The following PSD4 variants were observed in gnomAD, a reference collection of about 807,000 sequenced individuals.
The protein encoded by PSD4 is pleckstrin and Sec7 domain containing 4.
A neutral mutation model predicts 112.5 loss-of-function variants in PSD4; 59 were observed. The ratio of observed to expected loss-of-function variants is 0.52; its 90% CI spans 0.43 to 0.65. The LOEUF (loss-of-function observed/expected upper bound fraction) is 0.65, where lower values mean the gene tolerates loss of function less well. Ranked by LOEUF, PSD4 falls within the 30% of genes least tolerant of loss-of-function variation. PSD4 has a pLI of 0.00. For missense variants in PSD4, 1,267 were observed against 1,352.6 expected (o/e 0.94, Z 0.99); for synonymous variants, 533 against 540.0 (o/e 0.99, Z 0.18).
intron 2 of PSD4, 31 bp from the exon 3 acceptor site, chr2:113,184,923 CCTT>C (rs771163139): frequency 1.1e-5 from 17 of 1,612,540 alleles, no homozygotes; most frequent in Admixed American, 6.7e-5. Context: ...CCTCTCCTCT[CCTT>C]CTCTCCTCTG....
chr2:113,198,894 C>T lies in PSD4; in HGVS notation c.2769+10C>T. The T allele has an allele frequency of 1.3e-6, 2 of 1,573,866 alleles. No homozygotes were observed. Among genetic ancestry groups the T allele is most frequent in the East Asian group, 2.3e-5 (1 of 43,038 alleles). ...CGCCCAGAGCTCCCTGGTACGGCCT[C>T]CGGGAAGGGGTGGGGTCCGGCGGAA... On this transcript the variant is annotated intron_variant, in intron 15 of 16. Transcript: ENST00000245796.
chr2:113,179,647 C>G (rs568017717), intron 1 of PSD4, among the ~76,000 whole-genome samples: 1 of 152,286 alleles, frequency 6.6e-6, no homozygotes, highest in South Asian at 2.1e-4. Flanking sequence ...CCTAGCTTCC[C>G]GGGAATGCAG....
chr2:113,184,955 A>T lies in PSD4; in HGVS notation c.1057-2A>T. On this transcript the variant is annotated splice_acceptor_variant, in intron 2 of 16. Transcript: ENST00000245796. LOFTEE classifies it high-confidence loss of function. ...TCCTCTGTCTCTCTCTCGACTTCTC[A>T]GGGAGATAGGCTTGGTCCTGCTCCA... The T allele has an allele frequency of 6.2e-7, 1 of 1,613,962 alleles. No individual in the cohort carries two copies. The highest frequency in any genetic ancestry group is 8.5e-7 in the Non-Finnish European group (1 of 1,179,940).
intron 5 of PSD4, among the ~76,000 whole-genome samples, chr2:113,192,170 G>A (rs1688460363): frequency 6.6e-6 from 1 of 151,936 alleles, no homozygotes; most frequent in South Asian, 2.1e-4. Context: ...CCCCAGACCT[G>A]GAGACCTTGC....
At chr2:113,184,892 G>T in intron 2 of PSD4, 65 bp from the exon 3 acceptor site, 8 of 1,600,710 alleles carry the variant, frequency 5.0e-6, no homozygotes, top group Non-Finnish European at 6.8e-6. Flanking sequence ...AAAGGCCCTG[G>T]GAGCAATTTT....
intron 5 of PSD4, 118 bp downstream of exon 5, chr2:113,186,373 G>A: frequency 3.4e-6 from 4 of 1,163,648 alleles, no homozygotes; most frequent in Non-Finnish European, 4.8e-6. Context: ...TATTTATTAA[G>A]CAAGGATTAT....
At chr2:113,188,637 C>G (rs995521928) in intron 5 of PSD4, among the ~76,000 whole-genome samples, 19 of 151,646 alleles carry the variant, frequency 1.3e-4, no homozygotes, top group Non-Finnish European at 2.2e-4. Context: ...CTGGAATGCA[C>G]TGGCGTGATC....
chr2:113,180,025 T>C (rs1159569012), intron 1 of PSD4, among the ~76,000 whole-genome samples: 2 of 152,192 alleles, frequency 1.3e-5, no homozygotes, highest in Non-Finnish European at 2.9e-5. Context: ...AGAAAAAGGA[T>C]ACTTTCAAGG....
rs928790064 is a variant in PSD4 at position 113,182,589 on chromosome 2, C to G, written c.133C>G (p.Pro45Ala). ...GTGCAGCCATGAGGATCCACCGGAGCCTTTCGAGGAGCAAACCTGGGCCAC... is the reference window on the plus strand; with the variant it reads ...GTGCAGCCATGAGGATCCACCGGAGGCTTTCGAGGAGCAAACCTGGGCCAC... Reference protein sequence around the residue: ...ETCSHEDPPEPFEEQTWATDP... With the variant: ...ETCSHEDPPEAFEEQTWATDP... Residue 45 changes from proline (P) to alanine (A), a missense_variant, in exon 2 of 17, where the codon CCT becomes GCT. Transcript: ENST00000245796. The G allele has an allele frequency of 1.1e-5, 18 of 1,614,200 alleles. No homozygotes were observed. Among genetic ancestry groups the G allele is most frequent in the East Asian group, 4.5e-5 (2 of 44,878 alleles).
intron 11 of PSD4, 77 bp downstream of exon 11, chr2:113,195,847 C>T: frequency 3.2e-6 from 5 of 1,574,924 alleles, no homozygotes; most frequent in Non-Finnish European, 4.4e-6. Flanking sequence ...TGTCACCCAC[C>T]CGAGAGTTAG....
At position 113,202,693 on chromosome 2, in the gene PSD4, AAG is replaced by A. The variant is rs1235463634; in HGVS notation, c.*1281_*1282del. 6.6e-6 allele frequency: 1 copy of A among 152,352 alleles called. No individual in the cohort carries two copies. Among genetic ancestry groups the A allele is most frequent in the Non-Finnish European group, 1.5e-5 (1 of 68,142 alleles). 9.4% of individuals were successfully genotyped at this position (152,352 alleles called of 1,614,324 possible). A position where few individuals can be genotyped will look rare whatever the true frequency, so the allele number is the denominator to read the frequency against. ...CAAGTGTGCAAGTAGGCTGCCCGCC[AAG>A]AGGGGGCCTCTGCTACCCGCTGCTG... is the stretch of plus-strand genomic sequence containing the variant. On this transcript the variant is annotated 3_prime_UTR_variant, in exon 17 of 17. Transcript: ENST00000245796.
In PSD4 at chr2:113,198,722, C is replaced by T. The variant is rs1325676738; in HGVS notation, c.2625-18C>T. Reference sequence around the variant, plus strand: ...CGGACTCTGTGTCCCCGGGGACCAACGACCTCCTTTGCCCCAGCACTGCCA... The same window carrying T: ...CGGACTCTGTGTCCCCGGGGACCAATGACCTCCTTTGCCCCAGCACTGCCA... On this transcript the variant is annotated intron_variant, in intron 14 of 16. Coordinates refer to ENST00000245796, the MANE Select transcript of PSD4 (RefSeq NM_012455.3). 6.6e-7 allele frequency: 1 copy of T among 1,522,490 alleles called. No homozygotes were observed. The highest frequency in any genetic ancestry group is 1.9e-5 in the Admixed American group (1 of 53,418). The allele number at this position is 1,522,490 out of a possible 1,614,324, so 94.3% of individuals were successfully genotyped here. A position where few individuals can be genotyped will look rare whatever the true frequency, so the allele number is the denominator to read the frequency against.
At chr2:113,197,982 C>A (rs1438802815) in intron 14 of PSD4, 69 bp downstream of exon 14, 5 of 1,436,312 alleles carry the variant, frequency 3.5e-6, no homozygotes, top group Non-Finnish European at 2.8e-6. Context: ...CCTGACCCTG[C>A]TGACACCTGA....
At chr2:113,185,268 C>T in intron 3 of PSD4, 97 bp from the exon 4 acceptor site, 1 of 1,562,038 alleles carries the variant, frequency 6.4e-7, no homozygotes, top group Non-Finnish European at 8.8e-7. Context: ...GGCATCCTTC[C>T]CCTCCCCTCC....
Position 113,192,314 on chromosome 2 carries a change from G to A in PSD4, c.1629-66G>A, listed in dbSNP as rs1036382891. ...CCCACCATTCAAGGCGCTGAGCTCG[G>A]GGAACTCTTGCCACAACTGACCTGC... On this transcript the variant is annotated intron_variant, in intron 5 of 16. Transcript: ENST00000245796. 3.3e-6 allele frequency: 5 copies of A among 1,515,226 alleles called. No homozygotes were observed. In the African/African-American group the frequency reaches 6.9e-5, roughly 21 times the overall value. 93.9% of individuals were successfully genotyped at this position (1,515,226 alleles called of 1,614,324 possible).
At chr2:113,200,540 A>T (rs1307526194) in intron 16 of PSD4, among the ~76,000 whole-genome samples, 1 of 152,078 alleles carries the variant, frequency 6.6e-6, no homozygotes, top group Non-Finnish European at 1.5e-5. Context: ...TGAGGACCCA[A>T]CCTCTTCCTC....
chr2:113,193,362 C>A lies in PSD4; in HGVS notation c.2024C>A (p.Pro675His), dbSNP rs1405245904. Residue 675 changes from proline to histidine, a missense_variant, in exon 8 of 17, where the codon CCC (proline) becomes CAC (histidine). By Grantham distance (77) the Pro-to-His change is moderately conservative. Transcript: ENST00000245796. ...CACCATTGCAATCCGGGGATCTTCCCCTCAGTAGGTAGGGAGGGGCTGGCC... is the reference window on the plus strand; with the variant it reads ...CACCATTGCAATCCGGGGATCTTCCACTCAGTAGGTAGGGAGGGGCTGGCC... ...RFHHCNPGIF[P>H]SVDSVHTLTC... The A allele has an allele frequency of 3.1e-6, 5 of 1,606,468 alleles. No individual in the cohort carries two copies. In the East Asian group the frequency reaches 8.9e-5, roughly 29 times the overall value.
In PSD4 at chr2:113,186,066, T is replaced by C; in HGVS notation, c.1439T>C (p.Leu480Ser). ...PQLQHHSSGILPKWTLDASQS... is the reference protein window; with the variant it reads ...PQLQHHSSGISPKWTLDASQS... The stretch of plus-strand genomic sequence containing the variant: ...CTTCAACACCACAGCTCAGGCATTT[T>C]GCCCAAGTGGACACTAGATGCTTCA... Residue 480 changes from leucine (L) to serine (S), a missense_variant, in exon 5 of 17, where the codon TTG (leucine) becomes TCG (serine). By Grantham distance (145) the Leu-to-Ser change is moderately radical. This residue lies in a region of PSD4 where 723 missense variants were observed against 704.0 expected (regional missense o/e 1.03). Coordinates refer to ENST00000245796, the MANE Select transcript of PSD4 (RefSeq NM_012455.3). 1 of 1,614,246 alleles carries C rather than the reference T, an allele frequency of 6.2e-7. No homozygotes were observed. The highest frequency in any genetic ancestry group is 1.1e-5 in the South Asian group (1 of 91,084).
rs1169217844 is a variant in PSD4, at chr2:113,198,851, C to T, written c.2736C>T (p.Pro912=). Residue 912 remains proline, a synonymous_variant, in exon 15 of 17, where the codon CCC becomes CCT. Coordinates refer to ENST00000245796, the MANE Select transcript of PSD4 (RefSeq NM_012455.3). ...GCTCCCAGCGCAGATTCGTGCGGCCCATCCTGCCCGTGGGCCCCGCCCAGA... is the reference window on the plus strand; with the variant it reads ...GCTCCCAGCGCAGATTCGTGCGGCCTATCCTGCCCGTGGGCCCCGCCCAGA... ...AVGSQRRFVR[P]ILPVGPAQSS... is the part of the protein sequence containing the mutation. 20 of 1,597,748 alleles carry T rather than the reference C, an allele frequency of 1.3e-5. No homozygotes were observed. Among genetic ancestry groups the T allele is most frequent in the Non-Finnish European group, 1.6e-5 (19 of 1,178,380 alleles).
Sources: allele counts gnomAD v4.1 joint callset (sites outside exome capture counted in the v4.1 genomes callset), GRCh38; gene constraint gnomAD v4.1.1; regional missense constraint gnomAD v4.1.1; transcripts MANE v1.5; gene names NCBI Gene and HGNC (gene_info 2026-07-23, HGNC 2026-07-21).